SLC27A2: variants seen among roughly 807,000 people sequenced by gnomAD.
SLC27A2 encodes solute carrier family 27 member 2.
SLC27A2 carries 54 observed loss-of-function variants against 60.0 expected under a neutral mutation model. That is an observed-to-expected ratio of 0.90 (90% CI 0.72 to 1.13). The LOEUF is 1.13. Ranked by LOEUF, SLC27A2 falls within the 50% of genes most tolerant of loss-of-function variation. The pLI, the probability that SLC27A2 is intolerant of heterozygous loss-of-function variation, is 0.00. For synonymous variants in SLC27A2, 297 were observed against 297.6 expected (o/e 1.00, Z 0.02); for missense variants, 739 against 777.6 (o/e 0.95, Z 0.59).
chr15:50,192,742 G>C (rs1306217339), intron 1 of SLC27A2, among the ~76,000 whole-genome samples: 3 of 145,176 alleles, frequency 2.1e-5, no homozygotes, highest in Admixed American at 1.4e-4. Context: ...TTTTTGTAGA[G>C]GTGTTTTGCC....
At chr15:50,228,443 A>T (rs1307393821) in intron 7 of SLC27A2, among the ~76,000 whole-genome samples, 2 of 151,936 alleles carry the variant, frequency 1.3e-5, no homozygotes, top group African/African-American at 4.8e-5. Context: ...TTAAGTGAAA[A>T]ATAGCACCTG....
intron 1 of SLC27A2, among the ~76,000 whole-genome samples, chr15:50,188,910 AGATCACAC>A (rs1337524449): frequency 6.6e-6 from 1 of 152,194 alleles, no homozygotes; most frequent in Middle Eastern, 3.2e-3. Context: ...CAGTGAGCCA[AGATCACAC>A]TACTGCATTC....
chr15:50,197,480 A>T lies in SLC27A2; in HGVS notation c.479-20A>T, dbSNP rs1863511. 1 allele frequency: 1,579,887 copies of T among 1,586,532 alleles called. 786,873 individuals are homozygous for T. Among genetic ancestry groups the T allele is most frequent in the East Asian group, 1 (44,704 of 44,704 alleles). Reference sequence around the variant, plus strand: ...ATAGACTGATTTAGTTTGTTTTGATATTTTTCTTATTAAATTAAGAACTAC... The same window carrying T: ...ATAGACTGATTTAGTTTGTTTTGATTTTTTTCTTATTAAATTAAGAACTAC... On this transcript the variant is annotated intron_variant, in intron 1 of 9. Transcript: ENST00000267842.
At chr15:50,197,422 T>C in intron 1 of SLC27A2, 78 bp from the exon 2 acceptor site, 1 of 1,103,092 alleles carries the variant, frequency 9.1e-7, no homozygotes, top group Non-Finnish European at 1.3e-6. Flanking sequence ...AAAATAAAAT[T>C]ATGATGCTTG....
At position 50,182,625 on chromosome 15, in the gene SLC27A2, G is replaced by A. The variant is rs147849550; in HGVS notation, c.198G>A (p.Thr66=). ...LRAFLEKARQ[T]PHKPFLLFRD... ...CGTTCCTGGAGAAAGCGCGCCAGAC[G>A]CCACACAAGCCTTTTCTGCTCTTCC... Residue 66 remains threonine, a synonymous_variant, in exon 1 of 10, where the codon ACG becomes ACA. Transcript: ENST00000267842. The A allele has an allele frequency of 6.2e-7, 1 of 1,613,926 alleles. No homozygotes were observed.
At chr15:50,200,664 C>G (rs1424750912) in intron 2 of SLC27A2, among the ~76,000 whole-genome samples, 1 of 152,188 alleles carries the variant, frequency 6.6e-6, no homozygotes, top group Non-Finnish European at 1.5e-5. Flanking sequence ...ATCTTAAACT[C>G]TTAGTCCCCT....
intron 3 of SLC27A2, among the ~76,000 whole-genome samples, chr15:50,204,863 A>G (rs1369893779): frequency 6.7e-6 from 1 of 148,350 alleles, no homozygotes; most frequent in African/African-American, 2.5e-5. Context: ...GTGTGTATAT[A>G]TATATACTTG....
At chr15:50,217,455 CT>C (rs2045207563) in intron 4 of SLC27A2, among the ~76,000 whole-genome samples, 4 of 152,066 alleles carry the variant, frequency 2.6e-5, no homozygotes, top group African/African-American at 9.7e-5. Context: ...ACCCCACCAG[CT>C]CCTTTCCCCT....
intron 2 of SLC27A2, 30 bp downstream of exon 2, chr15:50,197,739 A>C (rs768455157): frequency 4.4e-5 from 68 of 1,531,584 alleles, no homozygotes; most frequent in Non-Finnish European, 5.7e-5. Context: ...TCTCCAAAAA[A>C]ATTAATCTGA....
At chr15:50,216,359 G>A (rs571442897) in intron 4 of SLC27A2, among the ~76,000 whole-genome samples, 1 of 151,944 alleles carries the variant, frequency 6.6e-6, no homozygotes, top group South Asian at 2.1e-4. Flanking sequence ...ACTACTGGTG[G>A]GAATGTAAAC....
chr15:50,212,699 T>G (rs990434748), intron 4 of SLC27A2, among the ~76,000 whole-genome samples: 7 of 152,150 alleles, frequency 4.6e-5, no homozygotes, highest in Non-Finnish European at 1.5e-5. Flanking sequence ...AAGCATCATA[T>G]ATGAAGAAAA....
In SLC27A2 at chr15:50,184,601, C is replaced by T. The variant is rs190231152; in HGVS notation, c.478+1696C>T. Among the ~76,000 whole-genome samples the T allele has an allele frequency of 2.8e-3, 424 of 151,900 alleles. 7 individuals are homozygous for T. Among genetic ancestry groups the T allele is most frequent in the African/African-American group, 9.7e-3 (402 of 41,406 alleles). ...CTGTAATCCCAGCACTTTGGGAGGC[C>T]GAGGCAGGTGGATCACTTGAGGTTA... On this transcript the variant is annotated intron_variant, in intron 1 of 9. Transcript: ENST00000267842.
Position 50,182,607 on chromosome 15 carries a change from G to A in SLC27A2, c.180G>A (p.Leu60=). ...RPARTILRAF[L]EKARQTPHKP... ...CGCGCACCATCCTGCGGGCGTTCCTGGAGAAAGCGCGCCAGACGCCACACA... is the reference window on the plus strand; with the variant it reads ...CGCGCACCATCCTGCGGGCGTTCCTAGAGAAAGCGCGCCAGACGCCACACA... Residue 60 remains leucine, a synonymous_variant, in exon 1 of 10, where the codon CTG becomes CTA. Coordinates refer to ENST00000267842, the MANE Select transcript of SLC27A2 (RefSeq NM_003645.4). The A allele has an allele frequency of 1.2e-6, 2 of 1,613,752 alleles. No individual in the cohort carries two copies. The highest frequency in any genetic ancestry group is 1.7e-6 in the Non-Finnish European group (2 of 1,179,788).
At position 50,228,992 on chromosome 15, in the gene SLC27A2, G is replaced by C; in HGVS notation, c.1505G>C (p.Gly502Ala). ...VATTEVADTV[G>A]LVDFVQEVNV... ...ACCACTGAAGTTGCTGATACAGTTG[G>C]ACTGGTTGATTTTGTCCAAGAAGTA... The change falls in exon 8 of 10, where the codon GGA (glycine) becomes GCA (alanine). Residue 502 changes from glycine (G) to alanine (A), a missense_variant. Physicochemically the swap from Gly to Ala is moderately conservative, Grantham distance 60. Transcript: ENST00000267842. 6.2e-7 allele frequency: 1 copy of C among 1,614,108 alleles called. No individual in the cohort carries two copies. The highest frequency in any genetic ancestry group is 8.5e-7 in the Non-Finnish European group (1 of 1,179,954).
intron 1 of SLC27A2, among the ~76,000 whole-genome samples, chr15:50,192,503 T>C (rs2044981994): frequency 6.6e-6 from 1 of 152,208 alleles, no homozygotes; most frequent in African/African-American, 2.4e-5. Context: ...TTTCCTTTTA[T>C]TATTAATTTT....
intron 8 of SLC27A2, among the ~76,000 whole-genome samples, chr15:50,229,694 C>A (rs1039360550): frequency 1.3e-5 from 2 of 152,166 alleles, no homozygotes; most frequent in African/African-American, 4.8e-5. Context: ...ATTTTAATTA[C>A]ATCAACGCTA....
chr15:50,210,266 G>A (rs1450786052), intron 4 of SLC27A2, among the ~76,000 whole-genome samples: 1 of 152,172 alleles, frequency 6.6e-6, no homozygotes, highest in Non-Finnish European at 1.5e-5. Flanking sequence ...CAGACCCTCT[G>A]AAAGAAGTGG....
rs1466822859 is a variant in SLC27A2, at chr15:50,233,994, T to A, written c.1682T>A (p.Ile561Lys). 2 of 1,610,512 alleles carry A rather than the reference T, an allele frequency of 1.2e-6. No homozygotes were observed. The highest frequency in any genetic ancestry group is 1.3e-5 in the African/African-American group (1 of 74,636). The change falls in exon 9 of 10, where the codon ATA becomes AAA. Residue 561 changes from isoleucine to lysine, a missense_variant. By Grantham distance (102) the Ile-to-Lys change is moderately radical. Coordinates refer to ENST00000267842, the MANE Select transcript of SLC27A2 (RefSeq NM_003645.4). ...TATGCAAGGCCCCGGTTTCTAAGAA[T>A]ACAGGTGAGATCTCTTATTATCCAG... ...PSYARPRFLR[I>K]QDTIEITGTF...
chr15:50,225,623 A>C (rs2045272887), intron 5 of SLC27A2, among the ~76,000 whole-genome samples: 1 of 152,230 alleles, frequency 6.6e-6, no homozygotes, highest in South Asian at 2.1e-4. Context: ...AAATCGTGGT[A>C]TGTTTATACA....
Sources: gnomAD v4.1 joint callset for allele counts (sites outside exome capture counted in the v4.1 genomes callset) on GRCh38, gnomAD v4.1.1 for gene constraint, MANE v1.5 for transcripts, NCBI Gene and HGNC (gene_info 2026-07-23, HGNC 2026-07-21) for gene names.